Variants in PTPRA observed in about 807,000 individuals in gnomAD.
The protein encoded by PTPRA is receptor-type tyrosine-protein phosphatase alpha.
Under a neutral mutation model 104.8 loss-of-function variants are expected in PTPRA, and 25 were observed. The ratio of observed to expected loss-of-function variants is 0.24; its 90% confidence interval spans 0.17 to 0.33. The LOEUF (loss-of-function observed/expected upper bound fraction) is 0.33, where lower values mean the gene tolerates loss of function less well. Among genes scored for constraint, PTPRA ranks in the 10% least tolerant of loss-of-function variants. PTPRA has a pLI of 1.00. For synonymous variants in PTPRA, 323 were observed against 368.9 expected, an observed-to-expected ratio of 0.88 and a Z score of 1.43; for missense variants, 765 against 1,015.3, an observed-to-expected ratio of 0.75 and a Z score of 3.35.
intron 3 of PTPRA, among the ~76,000 whole-genome samples, chr20:2,948,929 G>A (rs1194265302): frequency 2.6e-5 from 4 of 151,972 alleles, no homozygotes; most frequent in Non-Finnish European, 5.9e-5. Flanking sequence ...TCCAGCCTGG[G>A]TGACAGAGCG....
chr20:2,923,337 G>A (rs1016546954), intron 2 of PTPRA, 52 bp downstream of exon 2: 3 of 1,211,120 alleles, frequency 2.5e-6, no homozygotes, highest in Non-Finnish European at 2.1e-6. Context: ...GCCAAGTAGT[G>A]TCCTTAAATA....
intron 9 of PTPRA, among the ~76,000 whole-genome samples, chr20:2,995,799 G>A (rs1385250753): frequency 1.3e-5 from 2 of 152,098 alleles, no homozygotes; most frequent in Non-Finnish European, 2.9e-5. Flanking sequence ...TATTGGAGCT[G>A]GGTTATTTCT....
rs570209080 is a variant in PTPRA, at chr20:2,906,280, A to T, written c.-128-16927A>T. 2.2e-3 allele frequency among the ~76,000 whole-genome samples: 329 copies of T among 152,314 alleles called. 3 individuals are homozygous for T. Among genetic ancestry groups the T allele is most frequent in the Admixed American group, 2.8e-3 (43 of 15,290 alleles). On this transcript the variant is annotated intron_variant, in intron 1 of 23. Transcript: ENST00000399903. ...TTTTTAAAATTACCTGATATACTGTACTTTTTCATGTAACCAGTCAGCCCT... is the reference window on the plus strand; with the variant it reads ...TTTTTAAAATTACCTGATATACTGTTCTTTTTCATGTAACCAGTCAGCCCT...
intron 1 of PTPRA, among the ~76,000 whole-genome samples, chr20:2,880,111 C>A (rs2089966186): frequency 6.6e-6 from 1 of 152,108 alleles, no homozygotes; most frequent in African/African-American, 2.4e-5. Context: ...ATCCTGAAGG[C>A]AGAGCTAAAT....
intron 6 of PTPRA, among the ~76,000 whole-genome samples, chr20:2,979,004 T>C (rs1309412685): frequency 3.3e-5 from 5 of 152,214 alleles, no homozygotes; most frequent in Non-Finnish European, 7.3e-5. Flanking sequence ...TTGCAAATGT[T>C]ACCTCTTTTA....
At chr20:2,877,534 C>A (rs978076793) in intron 1 of PTPRA, among the ~76,000 whole-genome samples, 2 of 152,168 alleles carry the variant, frequency 1.3e-5, no homozygotes, top group African/African-American at 2.4e-5. Context: ...CCTGGGATTA[C>A]AAGCATGAGC....
chr20:2,899,133 G>A (rs538454304), intron 1 of PTPRA, among the ~76,000 whole-genome samples: 38 of 152,256 alleles, frequency 2.5e-4, no homozygotes, highest in African/African-American at 7.7e-4. Context: ...TCAGGAGTTC[G>A]AGACCAGCTT....
intron 6 of PTPRA, among the ~76,000 whole-genome samples, chr20:2,983,800 GC>G (rs1310415812): frequency 6.6e-6 from 1 of 152,014 alleles, no homozygotes; most frequent in Admixed American, 6.6e-5. Context: ...AGTGGAGGTG[GC>G]AAATAGGCAG....
chr20:2,919,303 GT>G (rs1177569129), intron 1 of PTPRA, among the ~76,000 whole-genome samples: 1 of 152,144 alleles, frequency 6.6e-6, no homozygotes, highest in Non-Finnish European at 1.5e-5. Flanking sequence ...AATTTGCTGG[GT>G]TTTTTCCTCC....
intron 11 of PTPRA, among the ~76,000 whole-genome samples, chr20:3,014,866 T>C (rs1283542095): frequency 6.6e-6 from 1 of 152,200 alleles, no homozygotes; most frequent in Non-Finnish European, 1.5e-5. Context: ...AACTTCTGAA[T>C]TGAACATACA....
At chr20:3,028,465 C>T (rs2065256780) in intron 20 of PTPRA, among the ~76,000 whole-genome samples, 1 of 152,196 alleles carries the variant, frequency 6.6e-6, no homozygotes, top group African/African-American at 2.4e-5. Context: ...GGTCAACTTC[C>T]TCTCAGTATA....
At chr20:2,907,891 T>C (rs1207000261) in intron 1 of PTPRA, among the ~76,000 whole-genome samples, 5 of 152,106 alleles carry the variant, frequency 3.3e-5, no homozygotes, top group Non-Finnish European at 7.4e-5. Flanking sequence ...GAAAGGCTAA[T>C]AGTCTTTTTT....
chr20:3,035,481 C>A lies in PTPRA; in HGVS notation c.1921-104C>A. The A allele has an allele frequency of 1.5e-6, 2 of 1,332,814 alleles. No individual in the cohort carries two copies. The highest frequency in any genetic ancestry group is 2.1e-6 in the Non-Finnish European group (2 of 958,746). The allele number at this position is 1,332,814 out of a possible 1,614,324, so 82.6% of individuals were successfully genotyped here. On this transcript the variant is annotated intron_variant, in intron 20 of 23. Transcript: ENST00000399903. This position sits in a 1 kb window ranked among gnomAD's most constrained non-coding sequence, Gnocchi z 5.8. ...ATACCTTGGGGACGAAGCGTATCAGCGTAAGAGGTGGCTGTACTGAGAGGG... is the reference window on the plus strand; with the variant it reads ...ATACCTTGGGGACGAAGCGTATCAGAGTAAGAGGTGGCTGTACTGAGAGGG...
intron 1 of PTPRA, among the ~76,000 whole-genome samples, chr20:2,906,003 G>A (rs1214433900): frequency 1.3e-5 from 2 of 151,928 alleles, no homozygotes; most frequent in East Asian, 1.9e-4. Context: ...ATTCTTAAAC[G>A]ATCTATACTC....
rs887681998 is a variant in PTPRA at position 2,961,052 on chromosome 20, C to T, written c.-6-3220C>T. On this transcript the variant is annotated intron_variant, in intron 3 of 23. Transcript: ENST00000399903. ...CCTGCTGAAGGATATCTTGATTGCTCCCAGTCGTGGCAATTATAAATAAAG... is the reference window on the plus strand; with the variant it reads ...CCTGCTGAAGGATATCTTGATTGCTTCCAGTCGTGGCAATTATAAATAAAG... Among the ~76,000 whole-genome samples the T allele has an allele frequency of 2.6e-5, 4 of 152,048 alleles. No homozygotes were observed. The East Asian group carries it at 7.7e-4, about 29-fold the overall frequency.
At chr20:2,942,817 CCTT>C (rs1186475521) in intron 2 of PTPRA, among the ~76,000 whole-genome samples, 3 of 151,474 alleles carry the variant, frequency 2.0e-5, no homozygotes, top group Non-Finnish European at 2.9e-5. Context: ...TACAGTAGTA[CCTT>C]CTTATCTGGG....
chr20:2,999,339 G>A (rs2063533715), intron 9 of PTPRA, among the ~76,000 whole-genome samples: 1 of 152,110 alleles, frequency 6.6e-6, no homozygotes, highest in Admixed American at 6.5e-5. Flanking sequence ...AGGTTTTTTT[G>A]TGGAACTTGA....
At chr20:2,898,262 A>G (rs1219780071) in intron 1 of PTPRA, among the ~76,000 whole-genome samples, 2 of 150,000 alleles carry the variant, frequency 1.3e-5, no homozygotes, top group Non-Finnish European at 1.5e-5. Context: ...TTGTATTTTT[A>G]GTAGAGACGG....
intron 11 of PTPRA, among the ~76,000 whole-genome samples, chr20:3,009,869 G>C (rs1217067036): frequency 1.3e-5 from 2 of 150,566 alleles, no homozygotes; most frequent in African/African-American, 4.9e-5. Context: ...TTTTTTTCTG[G>C]AGACAGTCTC....
Sources: gnomAD v4.1 joint callset for allele counts (sites outside exome capture counted in the v4.1 genomes callset) on GRCh38, gnomAD v4.1.1 for gene constraint, Gnocchi (gnomAD v3.1) non-coding constraint, MANE v1.5 for transcripts, NCBI Gene and HGNC (gene_info 2026-07-23, HGNC 2026-07-21) for gene names.